CEP128: variants seen among roughly 807,000 people sequenced by gnomAD.
The protein encoded by CEP128 is centrosomal protein 128.
CEP128 carries 132 observed loss-of-function variants against 156.7 expected under a neutral mutation model. The observed-to-expected ratio is 0.84, with a 90% CI of 0.73 to 0.97. The LOEUF (loss-of-function observed/expected upper bound fraction) is 0.97, where lower values mean the gene tolerates loss of function less well. Among genes scored for constraint, CEP128 ranks in the 50% least tolerant of loss-of-function variants. The pLI is 0.00. For missense variants in CEP128, 1,252 were observed against 1,281.9 expected (o/e 0.98, Z 0.36); for synonymous variants, 469 against 448.9 (o/e 1.04, Z -0.57).
chr14:80,812,730 A>G (rs1347258800), intron 13 of CEP128, among the ~76,000 whole-genome samples: 3 of 151,970 alleles, frequency 2.0e-5, no homozygotes, highest in African/African-American at 7.3e-5. Flanking sequence ...ACACCTGGCT[A>G]ATTTTTGTAT....
At chr14:80,924,266 T>C (rs1885028526) in intron 2 of CEP128, among the ~76,000 whole-genome samples, 1 of 152,226 alleles carries the variant, frequency 6.6e-6, no homozygotes, top group Non-Finnish European at 1.5e-5. Context: ...ACATCAGTGC[T>C]CTTCTGTAAC....
intron 8 of CEP128, among the ~76,000 whole-genome samples, chr14:80,875,427 C>A (rs1244306123): frequency 6.6e-6 from 1 of 152,036 alleles, no homozygotes; most frequent in Non-Finnish European, 1.5e-5. Flanking sequence ...TGTCATCAAA[C>A]AAAAATAACT....
intron 23 of CEP128, among the ~76,000 whole-genome samples, chr14:80,520,989 ATTTTTTTTTTTTTTT>A (rs533538115): frequency 3.1e-4 from 36 of 114,604 alleles, no homozygotes; most frequent in African/African-American, 1.1e-3. Context: ...CGCCCAGCTA[ATTTTTTTTTTTTTTT>A]TTTTTTTTTT....
At chr14:80,814,640 A>G (rs1884745917) in intron 13 of CEP128, among the ~76,000 whole-genome samples, 1 of 152,224 alleles carries the variant, frequency 6.6e-6, no homozygotes, top group South Asian at 2.1e-4. Flanking sequence ...ACATGACTAT[A>G]AAAATACTAG....
chr14:80,800,345 A>G (rs1306804307), intron 13 of CEP128, among the ~76,000 whole-genome samples: 1 of 152,212 alleles, frequency 6.6e-6, no homozygotes, highest in Non-Finnish European at 1.5e-5. Flanking sequence ...CATTTTAGGA[A>G]CTCGATAAAG....
intron 19 of CEP128, among the ~76,000 whole-genome samples, chr14:80,696,560 GAA>G (rs1268177018): frequency 6.6e-6 from 1 of 152,164 alleles, no homozygotes; most frequent in Non-Finnish European, 1.5e-5. Flanking sequence ...TTAGTAAGTA[GAA>G]AAGAGTGTTG....
intron 19 of CEP128, among the ~76,000 whole-genome samples, chr14:80,634,419 AAAAGTTTTG>A (rs1190497786): frequency 6.6e-6 from 1 of 152,236 alleles, no homozygotes; most frequent in African/African-American, 2.4e-5. Flanking sequence ...GACTATTTTT[AAAAGTTTTG>A]AAAGTGGTAC....
chr14:80,752,737 C>T (rs1355465997), intron 18 of CEP128, among the ~76,000 whole-genome samples: 7 of 152,142 alleles, frequency 4.6e-5, no homozygotes, highest in Non-Finnish European at 8.8e-5. Flanking sequence ...GTTCCGAGAC[C>T]TGAGTTCTAA....
chr14:80,776,575 C>T (rs528062608), intron 16 of CEP128, among the ~76,000 whole-genome samples: 20 of 148,462 alleles, frequency 1.3e-4, no homozygotes, highest in African/African-American at 4.9e-4. Flanking sequence ...ATAGTAGCAA[C>T]ATCTTATACA....
At chr14:80,546,242 T>C (rs1035458114) in intron 21 of CEP128, among the ~76,000 whole-genome samples, 2 of 152,210 alleles carry the variant, frequency 1.3e-5, no homozygotes, top group East Asian at 1.9e-4. Flanking sequence ...TTTGACCTTC[T>C]GAGCAAAACT....
intron 19 of CEP128, among the ~76,000 whole-genome samples, chr14:80,648,406 A>C (rs1894753796): frequency 6.6e-6 from 1 of 152,146 alleles, no homozygotes; most frequent in African/African-American, 2.4e-5. Context: ...ATCATAGCCT[A>C]AACTATGGTT....
intron 19 of CEP128, among the ~76,000 whole-genome samples, chr14:80,634,349 C>G (rs756120387): frequency 3.2e-4 from 48 of 152,184 alleles, no homozygotes; most frequent in Non-Finnish European, 6.6e-4. Flanking sequence ...TGCCAGATTC[C>G]CGAAGGGCAT....
intron 12 of CEP128, among the ~76,000 whole-genome samples, chr14:80,835,179 TG>T (rs944254583): frequency 6.6e-6 from 1 of 152,178 alleles, no homozygotes; most frequent in Non-Finnish European, 1.5e-5. Flanking sequence ...ATTGTTTGGA[TG>T]GAGCACAAAA....
chr14:80,640,686 C>A (rs557751989), intron 19 of CEP128, among the ~76,000 whole-genome samples: 2 of 152,120 alleles, frequency 1.3e-5, no homozygotes, highest in African/African-American at 4.8e-5. Flanking sequence ...TAGACTTAAC[C>A]TCTAAACAAC....
chr14:80,590,825 A>G (rs1189778405), intron 19 of CEP128, among the ~76,000 whole-genome samples: 1 of 152,200 alleles, frequency 6.6e-6, no homozygotes, highest in Non-Finnish European at 1.5e-5. Flanking sequence ...GAAACCCTAC[A>G]AGCCAGAAGA....
intron 8 of CEP128, among the ~76,000 whole-genome samples, chr14:80,871,018 A>C (rs1887999664): frequency 6.6e-6 from 1 of 152,062 alleles, no homozygotes; most frequent in Non-Finnish European, 1.5e-5. Context: ...AATTTACCTA[A>C]GGTGATGAAA....
At chr14:80,620,874 A>C (rs948661040) in intron 19 of CEP128, among the ~76,000 whole-genome samples, 1 of 152,376 alleles carries the variant, frequency 6.6e-6, no homozygotes, top group African/African-American at 2.4e-5. Context: ...AGCAATGTAC[A>C]TACAAATAGC....
At chr14:80,775,522 A>C (rs1442475095) in intron 16 of CEP128, among the ~76,000 whole-genome samples, 1 of 152,232 alleles carries the variant, frequency 6.6e-6, no homozygotes, top group Non-Finnish European at 1.5e-5. Flanking sequence ...GGATACAGAG[A>C]CCATCTTTTC....
At chr14:80,516,586 TG>T in intron 23 of CEP128, among the ~76,000 whole-genome samples, 1 of 152,298 alleles carries the variant, frequency 6.6e-6, no homozygotes, top group East Asian at 1.9e-4. Flanking sequence ...CTTTAGTCCA[TG>T]GTGATGGGTC....
Sources: gnomAD v4.1 joint callset for allele counts (sites outside exome capture counted in the v4.1 genomes callset) on GRCh38, gnomAD v4.1.1 for gene constraint, MANE v1.5 for transcripts, NCBI Gene and HGNC (gene_info 2026-07-23, HGNC 2026-07-21) for gene names.